Variants in NANOGNB observed in about 807,000 individuals in gnomAD.
The protein encoded by NANOGNB is homeobox C14.
Under a neutral mutation model 25.0 loss-of-function variants are expected in NANOGNB, and 30 were observed. The ratio of observed to expected loss-of-function variants is 1.20; its 90% CI spans 0.90 to 1.63. NANOGNB has a LOEUF of 1.63. Among genes scored for constraint, NANOGNB ranks in the 40% most tolerant of loss-of-function variants. The probability of loss-of-function intolerance (pLI) is 0.00; values close to 1 mark genes in which losing one functional copy is unlikely to be tolerated. For synonymous variants in NANOGNB, 84 were observed against 62.1 expected, an observed-to-expected ratio of 1.35 and a Z score of -1.66; for missense variants, 200 against 188.1, an observed-to-expected ratio of 1.06 and a Z score of -0.37.
chr12:7,766,365 C>T (rs1490919423), intron 1 of NANOGNB, among the ~76,000 whole-genome samples: 1 of 152,126 alleles, frequency 6.6e-6, no homozygotes, highest in Non-Finnish European at 1.5e-5. Flanking sequence ...CCCAGCTACT[C>T]AGGAGGCTGA....
intron 3 of NANOGNB, 60 bp downstream of exon 3, chr12:7,770,578 T>C: frequency 1.8e-6 from 2 of 1,112,056 alleles, no homozygotes; most frequent in Non-Finnish European, 2.6e-6. Flanking sequence ...ACTTCCGGAG[T>C]TGGTTTGTGT....
intron 1 of NANOGNB, among the ~76,000 whole-genome samples, chr12:7,768,032 A>G (rs1865260872): frequency 6.6e-6 from 1 of 152,090 alleles, no homozygotes; most frequent in Non-Finnish European, 1.5e-5. Context: ...CTTGTTTTCA[A>G]TATTCATCCA....
chr12:7,772,756 G>C (rs1014628064), intron 3 of NANOGNB, among the ~76,000 whole-genome samples: 1 of 151,684 alleles, frequency 6.6e-6, no homozygotes, highest in African/African-American at 2.4e-5. Flanking sequence ...GCTAATTTTT[G>C]TATTTTTAGT....
In NANOGNB at chr12:7,770,475, A is replaced by G. The variant is rs548793247; in HGVS notation, c.472A>G (p.Asn158Asp). 3.9e-6 allele frequency: 6 copies of G among 1,530,988 alleles called. No homozygotes were observed. The highest frequency in any genetic ancestry group is 4.0e-5 in the Admixed American group (2 of 50,098). 94.8% of individuals were successfully genotyped at this position (1,530,988 alleles called of 1,614,324 possible). Reference sequence around the variant, plus strand: ...GTTTTGTAAAACGAGGAAGAAATATAATAAAGAAATGTCCAAGAGAAAGCA... The same window carrying G: ...GTTTTGTAAAACGAGGAAGAAATATGATAAAGAAATGTCCAAGAGAAAGCA... ...QWFCKTRKKYNKEMSKRKHKK... is the reference protein window; with the variant it reads ...QWFCKTRKKYDKEMSKRKHKK... The change falls in exon 3 of 4, where the codon AAT (asparagine) becomes GAT (aspartate). Residue 158 changes from asparagine to aspartate, a missense_variant. Asn to Asp is a conservative substitution (Grantham distance 23). Coordinates refer to ENST00000382119, the MANE Select transcript of NANOGNB (RefSeq NM_001145465.1).
Position 7,770,191 on chromosome 12 carries a change from C to T in NANOGNB, c.311C>T (p.Pro104Leu), listed in dbSNP as rs1221633120. Residue 104 changes from proline (P) to leucine (L), a missense_variant, in exon 2 of 4, where the codon CCC (proline) becomes CTC (leucine). Pro to Leu is a moderately conservative substitution (Grantham distance 98, BLOSUM62 -3). Coordinates refer to ENST00000382119, the MANE Select transcript of NANOGNB (RefSeq NM_001145465.1). ...GAAAATGAGAAACAGAAACAGTATC[C>T]CGAGAAAAGATTAGTCAGCAAATCC... ...KRENEKQKQY[P>L]EKRLVSKSLM... 1 of 1,551,694 alleles carries T rather than the reference C, an allele frequency of 6.4e-7. No homozygotes were observed. The highest frequency in any genetic ancestry group is 1.2e-5 in the South Asian group (1 of 84,008).
At chr12:7,773,458 T>C (rs1862604349) in intron 3 of NANOGNB, among the ~76,000 whole-genome samples, 1 of 148,474 alleles carries the variant, frequency 6.7e-6, no homozygotes, top group Non-Finnish European at 1.5e-5. Flanking sequence ...CCCAGCACTT[T>C]GGGAGGCCAA....
intron 1 of NANOGNB, among the ~76,000 whole-genome samples, chr12:7,769,669 G>A (rs57143511): frequency 0.23 from 34,658 of 151,458 alleles, 4,542 homozygotes; most frequent in Admixed American, 0.32. Flanking sequence ...ATGGGGCTAC[G>A]GGCACGTGCC....
At chr12:7,773,383 A>C (rs1862603228) in intron 3 of NANOGNB, among the ~76,000 whole-genome samples, 1 of 151,688 alleles carries the variant, frequency 6.6e-6, no homozygotes, top group South Asian at 2.1e-4. Flanking sequence ...TTCCAGATTT[A>C]ACATATTTTG....
intron 1 of NANOGNB, among the ~76,000 whole-genome samples, chr12:7,766,716 C>T (rs1865249343): frequency 6.6e-6 from 1 of 151,948 alleles, no homozygotes; most frequent in African/African-American, 2.4e-5. Context: ...TTAATAGAGA[C>T]GGGGTTTCAC....
At position 7,770,465 on chromosome 12, in the gene NANOGNB, G is replaced by A. The variant is rs771119714; in HGVS notation, c.462G>A (p.Arg154=). ...KQISQWFCKT[R]KKYNKEMSKR... ...TAAGTCAATGGTTTTGTAAAACGAG[G>A]AAGAAATATAATAAAGAAATGTCCA... The change falls in exon 3 of 4, where the codon AGG becomes AGA. Residue 154 remains arginine, a synonymous_variant. Coordinates refer to ENST00000382119, the MANE Select transcript of NANOGNB (RefSeq NM_001145465.1). 11 of 1,534,200 alleles carry A rather than the reference G, an allele frequency of 7.2e-6. No homozygotes were observed. In the South Asian group the frequency reaches 9.7e-5, roughly 13 times the overall value.
rs1320541317 is a variant in NANOGNB at position 7,770,190 on chromosome 12, C to T, written c.310C>T (p.Pro104Ser). 9.7e-6 allele frequency: 15 copies of T among 1,551,760 alleles called. No homozygotes were observed. The highest frequency in any genetic ancestry group is 1.3e-5 in the Non-Finnish European group (15 of 1,147,000). Reference protein sequence around the residue: ...KRENEKQKQYPEKRLVSKSLM... With the variant: ...KRENEKQKQYSEKRLVSKSLM... ...GGAAAATGAGAAACAGAAACAGTAT[C>T]CCGAGAAAAGATTAGTCAGCAAATC... is the stretch of plus-strand genomic sequence containing the variant. Residue 104 changes from proline (P) to serine (S), a missense_variant, in exon 2 of 4, where the codon CCC (proline) becomes TCC (serine). Physicochemically the swap from Pro to Ser is moderately conservative, Grantham distance 74. Coordinates refer to ENST00000382119, the MANE Select transcript of NANOGNB (RefSeq NM_001145465.1).
At chr12:7,765,536 C>G (rs980336557) in intron 1 of NANOGNB, 149 bp downstream of exon 1, 12 of 149,992 alleles carry the variant, frequency 8.0e-5, no homozygotes, top group Non-Finnish European at 1.4e-5. Flanking sequence ...CGCCACTGCA[C>G]TCCAGCCTGG....
At chr12:7,767,965 G>A (rs538651539) in intron 1 of NANOGNB, among the ~76,000 whole-genome samples, 6 of 151,804 alleles carry the variant, frequency 4.0e-5, no homozygotes, top group Non-Finnish European at 5.9e-5. Context: ...CTCTCGCCTC[G>A]GCCTCCCAAA....
Position 7,770,468 on chromosome 12 carries a change from G to A in NANOGNB, c.465G>A (p.Lys155=). 4 of 1,533,022 alleles carry A rather than the reference G, an allele frequency of 2.6e-6. No homozygotes were observed. Among genetic ancestry groups the A allele is most frequent in the Non-Finnish European group, 3.5e-6 (4 of 1,132,208 alleles). The allele number at this position is 1,533,022 out of a possible 1,614,324, so 95.0% of individuals were successfully genotyped here. The change falls in exon 3 of 4, where the codon AAG becomes AAA. Residue 155 remains lysine, a synonymous_variant. Coordinates refer to ENST00000382119, the MANE Select transcript of NANOGNB (RefSeq NM_001145465.1). The stretch of plus-strand genomic sequence containing the variant: ...GTCAATGGTTTTGTAAAACGAGGAA[G>A]AAATATAATAAAGAAATGTCCAAGA... The part of the protein sequence containing the change: ...QISQWFCKTR[K]KYNKEMSKRK...
At chr12:7,773,666 A>C (rs1349033413) in intron 3 of NANOGNB, 134 bp from the exon 4 acceptor site, 1 of 324,244 alleles carries the variant, frequency 3.1e-6, no homozygotes, top group Non-Finnish European at 5.5e-6. Context: ...TGGAGGTTGC[A>C]GTCAGCCGAG....
intron 3 of NANOGNB, 67 bp downstream of exon 3, chr12:7,770,585 G>A (rs1865284292): frequency 2.9e-6 from 3 of 1,045,464 alleles, no homozygotes; most frequent in Non-Finnish European, 4.1e-6. Context: ...GAGTTGGTTT[G>A]TGTTTCCATC....
Position 7,770,190 on chromosome 12 carries a change from C to G in NANOGNB, c.310C>G (p.Pro104Ala). The G allele has an allele frequency of 6.4e-7, 1 of 1,551,878 alleles. No individual in the cohort carries two copies. The highest frequency in any genetic ancestry group is 8.7e-7 in the Non-Finnish European group (1 of 1,146,992). Residue 104 changes from proline (P) to alanine (A), a missense_variant, in exon 2 of 4, where the codon CCC becomes GCC. Coordinates refer to ENST00000382119, the MANE Select transcript of NANOGNB (RefSeq NM_001145465.1). ...KRENEKQKQY[P>A]EKRLVSKSLM... ...GGAAAATGAGAAACAGAAACAGTATCCCGAGAAAAGATTAGTCAGCAAATC... is the reference window on the plus strand; with the variant it reads ...GGAAAATGAGAAACAGAAACAGTATGCCGAGAAAAGATTAGTCAGCAAATC...
At chr12:7,771,366 A>G (rs1044138231) in intron 3 of NANOGNB, among the ~76,000 whole-genome samples, 12 of 151,654 alleles carry the variant, frequency 7.9e-5, no homozygotes, top group South Asian at 4.2e-4. Context: ...GACTACAGGC[A>G]CCCACCACCA....
rs1865276055 is a variant in NANOGNB, at chr12:7,769,860, C to G, written c.103-123C>G. On this transcript the variant is annotated intron_variant, in intron 1 of 3. Coordinates refer to ENST00000382119, the MANE Select transcript of NANOGNB (RefSeq NM_001145465.1). ...CTTTTTCTTTGCTCTATGTTTTCCA[C>G]CAATGTACAACATTGCTAATTTAGA... 5.1e-6 allele frequency: 4 copies of G among 782,440 alleles called. No individual in the cohort carries two copies. The Admixed American group carries it at 9.5e-5, about 19-fold the overall frequency. The allele number at this position is 782,440 out of a possible 1,614,324, so 48.5% of individuals were successfully genotyped here.
Sources: allele counts gnomAD v4.1 joint callset (sites outside exome capture counted in the v4.1 genomes callset), GRCh38; gene constraint gnomAD v4.1.1; transcripts MANE v1.5; gene names NCBI Gene and HGNC (gene_info 2026-07-23, HGNC 2026-07-21).